The following ERBIN variants were observed in gnomAD, a reference collection of about 807,000 sequenced individuals.
ERBIN encodes erbb2 interacting protein.
In ERBIN, 60 loss-of-function variants were observed where a neutral mutation model predicts 158.4. The observed-to-expected ratio is 0.38, with a 90% confidence interval of 0.31 to 0.47. The LOEUF (loss-of-function observed/expected upper bound fraction) is 0.47. Among genes scored for constraint, ERBIN ranks in the 20% least tolerant of loss-of-function variants. ERBIN has a pLI of 0.99. For synonymous variants in ERBIN, 594 were observed against 557.2 expected (o/e 1.07, Z -0.93); for missense variants, 1,610 against 1,648.0 (o/e 0.98, Z 0.40).
intron 1 of ERBIN, among the ~76,000 whole-genome samples, chr5:65,954,550 A>G (rs918448863): frequency 1.3e-5 from 2 of 152,138 alleles, no homozygotes; most frequent in African/African-American, 2.4e-5. Context: ...GTAACATTTT[A>G]GTTTGATTTG....
At chr5:66,012,833 C>T (rs1012484412) in intron 5 of ERBIN, among the ~76,000 whole-genome samples, 3 of 152,204 alleles carry the variant, frequency 2.0e-5, no homozygotes, top group African/African-American at 7.2e-5. Context: ...AGCTAACACA[C>T]GTAGGTTGTT....
intron 21 of ERBIN, among the ~76,000 whole-genome samples, chr5:66,064,342 A>G (rs1048470867): frequency 2.6e-5 from 4 of 152,226 alleles, no homozygotes; most frequent in Non-Finnish European, 1.5e-5. Context: ...GAAAGTCATA[A>G]TATATAAAGT....
rs1759395661 is a variant in ERBIN at position 66,054,542 on chromosome 5, A to G, written c.3224A>G (p.Gln1075Arg). ...LIPAVTRSTIQRQSSVSSTAS... is the reference protein window; with the variant it reads ...LIPAVTRSTIRRQSSVSSTAS... ...CCTGCAGTAACTCGAAGTACAATCC[A>G]GCGACAAAGTAGTGTGTCCTCCACA... The change falls in exon 21 of 26, where the codon CAG (glutamine) becomes CGG (arginine). Residue 1075 changes from glutamine to arginine, a missense_variant. Physicochemically the swap from Gln to Arg is conservative, Grantham distance 43. This residue lies in a region of ERBIN where 1,014 missense variants were observed against 936.1 expected (regional missense o/e 1.08). Transcript: ENST00000284037. 1 of 1,614,202 alleles carries G rather than the reference A, an allele frequency of 6.2e-7. No individual in the cohort carries two copies. Among genetic ancestry groups the G allele is most frequent in the African/African-American group, 1.3e-5 (1 of 75,050 alleles).
Position 66,044,077 on chromosome 5 carries a change from T to A in ERBIN, c.1429-60T>A, listed in dbSNP as rs1356327178. 3 of 1,254,136 alleles carry A rather than the reference T, an allele frequency of 2.4e-6. No homozygotes were observed. The African/African-American group carries it at 4.6e-5, about 19-fold the overall frequency. The allele number at this position is 1,254,136 out of a possible 1,614,324, so 77.7% of individuals were successfully genotyped here. ...TTCAGATGGGTTACAGATTAAATTT[T>A]GTTTGAGATTGACATTAGAAATATT... On this transcript the variant is annotated intron_variant, in intron 16 of 25. Coordinates refer to ENST00000284037, the MANE Select transcript of ERBIN (RefSeq NM_001253697.2).
rs576679489 is a variant in ERBIN at position 66,012,639 on chromosome 5, C to T, written c.386+512C>T. Among the ~76,000 whole-genome samples the T allele has an allele frequency of 5.9e-5, 9 of 152,262 alleles. No homozygotes were observed. The South Asian group carries it at 1.9e-3, about 32-fold the overall frequency. ...TGGTGATGACTGTAAACAAAGTTTT[C>T]CTGGCACCAAGGCTGTTAAGTTTTG... On this transcript the variant is annotated intron_variant, in intron 5 of 25. Coordinates refer to ENST00000284037, the MANE Select transcript of ERBIN (RefSeq NM_001253697.2).
intron 1 of ERBIN, among the ~76,000 whole-genome samples, chr5:65,987,767 C>T (rs1320263183): frequency 1.3e-5 from 2 of 151,428 alleles, no homozygotes; most frequent in East Asian, 1.9e-4. Flanking sequence ...ATCGCTTGAA[C>T]CTAGGAAGTG....
intron 1 of ERBIN, among the ~76,000 whole-genome samples, chr5:65,954,680 T>C (rs1350270409): frequency 2.0e-5 from 3 of 152,060 alleles, no homozygotes; most frequent in Non-Finnish European, 4.4e-5. Context: ...GAGGTTGGCA[T>C]GTCCCACGAA....
chr5:66,064,160 A>C (rs1760752683), intron 21 of ERBIN, among the ~76,000 whole-genome samples: 1 of 152,218 alleles, frequency 6.6e-6, no homozygotes, highest in Non-Finnish European at 1.5e-5. Context: ...GGGATTATTC[A>C]ACAAACAGTG....
In ERBIN at chr5:66,054,896, C is replaced by T. The variant is rs375152600; in HGVS notation, c.3578C>T (p.Pro1193Leu). 6.2e-7 allele frequency: 1 copy of T among 1,613,790 alleles called. No homozygotes were observed. Among genetic ancestry groups the T allele is most frequent in the Non-Finnish European group, 8.5e-7 (1 of 1,179,888 alleles). The change falls in exon 21 of 26, where the codon CCT (proline) becomes CTT (leucine). Residue 1193 changes from proline to leucine, a missense_variant. Pro to Leu is a moderately conservative substitution (Grantham distance 98). Transcript: ENST00000284037. ...LLDPPGKSKV[P>L]RDWREQVLRH... ...GATCCTCCAGGAAAAAGTAAAGTTC[C>T]TCGTGACTGGAGAGAACAAGTACTT...
intron 1 of ERBIN, among the ~76,000 whole-genome samples, chr5:65,972,299 A>G (rs940217501): frequency 3.3e-5 from 5 of 151,940 alleles, no homozygotes; most frequent in African/African-American, 1.2e-4. Context: ...TATGATGTGG[A>G]GCTTTGACAT....
chr5:65,964,958 TTTTTTTTTTTTA>T (rs1748392094), intron 1 of ERBIN, among the ~76,000 whole-genome samples: 1 of 139,020 alleles, frequency 7.2e-6, no homozygotes, highest in Non-Finnish European at 1.5e-5. Context: ...TTTTTTTTTT[TTTTTTTTTTTTA>T]AGTAGAGATG....
At chr5:66,061,661 T>A (rs1561444042) in intron 21 of ERBIN, among the ~76,000 whole-genome samples, 1 of 152,360 alleles carries the variant, frequency 6.6e-6, no homozygotes, top group East Asian at 1.9e-4. Context: ...CAATTTGGCA[T>A]GTTTTTGCAG....
At chr5:65,931,709 C>T (rs1743407304) in intron 1 of ERBIN, among the ~76,000 whole-genome samples, 1 of 151,978 alleles carries the variant, frequency 6.6e-6, no homozygotes, top group Non-Finnish European at 1.5e-5. Context: ...ATATCTGCTT[C>T]TTCACTCCAT....
In ERBIN at chr5:65,926,781, G is replaced by T. The variant is rs762493803; in HGVS notation, c.-83G>T. The T allele has an allele frequency of 7.2e-5, 11 of 152,034 alleles. No individual in the cohort carries two copies. Among genetic ancestry groups the T allele is most frequent in the Non-Finnish European group, 1.0e-4 (7 of 68,012 alleles). The allele number at this position is 152,034 out of a possible 1,614,324, so 9.4% of individuals were successfully genotyped here. A position where few individuals can be genotyped will look rare whatever the true frequency, so the allele number is the denominator to read the frequency against. On this transcript the variant is annotated 5_prime_UTR_variant, in exon 1 of 26. Coordinates refer to ENST00000284037, the MANE Select transcript of ERBIN (RefSeq NM_001253697.2). ...TGTCAAGCGAAGCCTTGAAAAAGCTGCCCTGAGACGGTGTCCCGCCGAAAG... is the reference window on the plus strand; with the variant it reads ...TGTCAAGCGAAGCCTTGAAAAAGCTTCCCTGAGACGGTGTCCCGCCGAAAG...
chr5:66,050,747 G>A (rs544035354), intron 19 of ERBIN, 36 bp from the exon 20 acceptor site: 1 of 1,354,696 alleles, frequency 7.4e-7, no homozygotes, highest in Non-Finnish European at 1.0e-6. Context: ...AATTCTTGGG[G>A]AATTTATCAT....
intron 1 of ERBIN, among the ~76,000 whole-genome samples, chr5:65,978,046 A>G (rs1404090923): frequency 6.6e-6 from 1 of 152,228 alleles, no homozygotes; most frequent in Non-Finnish European, 1.5e-5. Context: ...TGTCATATTA[A>G]GCAACAGCTT....
At chr5:65,977,958 G>GGGGAGA (rs143829708) in intron 1 of ERBIN, among the ~76,000 whole-genome samples, 23,455 of 145,820 alleles carry the variant, frequency 0.16, 2,549 homozygotes, top group East Asian at 0.31. Context: ...GAGAGGGTTA[G>GGGGAGA]GGGAGAGGGA....
intron 7 of ERBIN, among the ~76,000 whole-genome samples, chr5:66,015,569 T>G (rs970417977): frequency 6.6e-6 from 1 of 152,180 alleles, no homozygotes; most frequent in African/African-American, 2.4e-5. Flanking sequence ...CTAAAATATT[T>G]ACTGTCTGGC....
chr5:66,028,654 T>G (rs776116974), intron 14 of ERBIN, among the ~76,000 whole-genome samples: 4 of 152,158 alleles, frequency 2.6e-5, no homozygotes, highest in Admixed American at 2.6e-4. Flanking sequence ...TATTTTATAG[T>G]GAGAACACTT....
Sources: allele counts gnomAD v4.1 joint callset (sites outside exome capture counted in the v4.1 genomes callset), GRCh38; gene constraint gnomAD v4.1.1; regional missense constraint gnomAD v4.1.1; transcripts MANE v1.5; gene names NCBI Gene and HGNC (gene_info 2026-07-23, HGNC 2026-07-21).